Variants in SNX25 observed in about 807,000 individuals in gnomAD.
SNX25 encodes the protein sorting nexin 25, also known as sorting nexin-25.
SNX25 carries 62 observed loss-of-function variants against 113.7 expected under a neutral mutation model. The ratio of observed to expected loss-of-function variants is 0.55; its 90% CI spans 0.44 to 0.67. The LOEUF (loss-of-function observed/expected upper bound fraction) is 0.67, where lower values mean the gene tolerates loss of function less well. Among genes scored for constraint, SNX25 ranks in the 30% least tolerant of loss-of-function variants. The pLI is 0.00. For synonymous variants in SNX25, 421 were observed against 436.2 expected (o/e 0.97, Z 0.43); for missense variants, 1,014 against 1,161.0 (o/e 0.87, Z 1.84).
At chr4:185,228,381 G>A (rs1234666516) in intron 1 of SNX25, among the ~76,000 whole-genome samples, 1 of 152,060 alleles carries the variant, frequency 6.6e-6, no homozygotes, top group Admixed American at 6.6e-5. Flanking sequence ...ACTTTAGTAG[G>A]AGATAAAAAT....
At chr4:185,304,602 C>T (rs1754191038) in intron 6 of SNX25, among the ~76,000 whole-genome samples, 1 of 152,160 alleles carries the variant, frequency 6.6e-6, no homozygotes, top group African/African-American at 2.4e-5. Flanking sequence ...TGTGATCTGC[C>T]TGCCCCAGCC....
At chr4:185,296,521 A>C (rs1158265235) in intron 6 of SNX25, among the ~76,000 whole-genome samples, 1 of 151,754 alleles carries the variant, frequency 6.6e-6, no homozygotes, top group East Asian at 1.9e-4. Flanking sequence ...TTTCTTTTGG[A>C]ATTTTGGTCT....
At chr4:185,374,394 A>G (rs1315296820), downstream of SNX25, 1 of 1,613,992 alleles carries the variant, frequency 6.2e-7, no homozygotes, top group African/African-American at 1.3e-5. Flanking sequence ...AGCAGCTGCA[A>G]ATTTTAAGTG....
At chr4:185,296,660 A>C (rs1579668566) in intron 6 of SNX25, among the ~76,000 whole-genome samples, 1 of 152,312 alleles carries the variant, frequency 6.6e-6, no homozygotes, top group East Asian at 1.9e-4. Flanking sequence ...AGACCAGCTA[A>C]GTCAGGTCTT....
At chr4:185,224,591 A>G (rs1334352761) in intron 1 of SNX25, among the ~76,000 whole-genome samples, 3 of 144,990 alleles carry the variant, frequency 2.1e-5, no homozygotes, top group Non-Finnish European at 4.5e-5. Flanking sequence ...ATATATAAAT[A>G]TATAAATATG....
chr4:185,290,301 A>T (rs1751961514), intron 6 of SNX25, among the ~76,000 whole-genome samples: 1 of 152,164 alleles, frequency 6.6e-6, no homozygotes, highest in Non-Finnish European at 1.5e-5. Context: ...GTGACCCTTG[A>T]TTCTTGAGTG....
At chr4:185,222,330 A>C (rs564026387) in intron 1 of SNX25, among the ~76,000 whole-genome samples, 4 of 147,760 alleles carry the variant, frequency 2.7e-5, no homozygotes, top group Admixed American at 2.7e-4. Flanking sequence ...GGTATACAGC[A>C]CCATATAACC....
intron 16 of SNX25, among the ~76,000 whole-genome samples, chr4:185,358,530 G>C (rs2095348798): frequency 6.6e-6 from 1 of 152,130 alleles, no homozygotes; most frequent in African/African-American, 2.4e-5. Context: ...GAATTATTTA[G>C]ATCGGTTTAG....
At chr4:185,350,143 G>T (rs1054766287) in intron 13 of SNX25, among the ~76,000 whole-genome samples, 2 of 144,426 alleles carry the variant, frequency 1.4e-5, no homozygotes, top group Non-Finnish European at 3.0e-5. Flanking sequence ...ATGGTGTTCC[G>T]TGGACCCCTT....
intron 3 of SNX25, 134 bp from the exon 4 acceptor site, chr4:185,264,304 G>A (rs1747741590): frequency 1.2e-6 from 1 of 850,710 alleles, no homozygotes; most frequent in Non-Finnish European, 1.8e-6. Context: ...TGATGGTTGA[G>A]GAAATTTGAT....
intron 10 of SNX25, among the ~76,000 whole-genome samples, chr4:185,336,071 C>T (rs1408940003): frequency 6.6e-6 from 1 of 152,186 alleles, no homozygotes. Context: ...TAAAAGAGAT[C>T]TGAAGAGATG....
chr4:185,266,401 C>T (rs1312376993), intron 4 of SNX25, among the ~76,000 whole-genome samples: 1 of 152,124 alleles, frequency 6.6e-6, no homozygotes, highest in Non-Finnish European at 1.5e-5. Flanking sequence ...CACTCTGTCG[C>T]CAAGGCTGGA....
At position 185,238,062 on chromosome 4, in the gene SNX25, CAAAAA is replaced by C. The variant is rs10635995; in HGVS notation, c.430-9213_430-9209del. Among the ~76,000 whole-genome samples the C allele has an allele frequency of 2.0e-3, 180 of 87,922 alleles. 3 individuals are homozygous for C. Among genetic ancestry groups the C allele is most frequent in the East Asian group, 2.6e-3 (8 of 3,022 alleles). The allele number at this position is 87,922 out of a possible 152,430, so 57.7% of individuals were successfully genotyped here. On this transcript the variant is annotated intron_variant, in intron 1 of 18. Transcript: ENST00000652585. ...TGGGCTACAGAGCGAGACTCCATCT[CAAAAA>C]AAAAAAAAAAAAAAAAAATTTAGAG...
intron 1 of SNX25, among the ~76,000 whole-genome samples, chr4:185,221,414 A>G (rs1739825533): frequency 6.6e-6 from 1 of 152,050 alleles, no homozygotes; most frequent in Non-Finnish European, 1.5e-5. Flanking sequence ...GACTCAAGCC[A>G]TCCTCCCACC....
At position 185,239,754 on chromosome 4, in the gene SNX25, AT is replaced by A. The variant is rs371310158; in HGVS notation, c.430-7539del. On this transcript the variant is annotated intron_variant, in intron 1 of 18. Coordinates refer to ENST00000652585, the MANE Select transcript of SNX25 (RefSeq NM_001378034.2). ...TGTTTTTCACTTATTTAAATAGAAA[AT>A]AAGGTGTATTTTTTTTTTCTTTTTT... Among the ~76,000 whole-genome samples, 1,328 of 147,086 alleles carry A rather than the reference AT, an allele frequency of 9.0e-3. 23 individuals are homozygous for A. The highest frequency in any genetic ancestry group is 0.031 in the African/African-American group (1,265 of 40,304).
chr4:185,251,598 CGTGTGTGTGTGTGTGTGT>C (rs71593618), intron 2 of SNX25, among the ~76,000 whole-genome samples: 40,881 of 147,226 alleles, frequency 0.28, 6,723 homozygotes, highest in East Asian at 0.56. Flanking sequence ...TATTCCATTG[CGTGTGTGTGTGTGTGTGT>C]GTGTGTGTGT....
intron 6 of SNX25, among the ~76,000 whole-genome samples, chr4:185,305,695 G>A (rs1019729055): frequency 1.3e-5 from 2 of 152,254 alleles, no homozygotes; most frequent in African/African-American, 4.8e-5. Flanking sequence ...TTTACCTAAT[G>A]TCTAATATAA....
intron 1 of SNX25, among the ~76,000 whole-genome samples, chr4:185,246,378 C>T (rs1049576199): frequency 1.3e-5 from 2 of 152,182 alleles, no homozygotes; most frequent in African/African-American, 4.8e-5. Flanking sequence ...TATATGAAAA[C>T]AACCATTTCC....
Position 185,332,649 on chromosome 4 carries a change from A to G in SNX25, c.1804A>G (p.Asn602Asp), listed in dbSNP as rs751543582. Residue 602 changes from asparagine to aspartate, a missense_variant, in exon 10 of 19, where the codon AAT becomes GAT. Coordinates refer to ENST00000652585, the MANE Select transcript of SNX25 (RefSeq NM_001378034.2). ...CGTGGATGATGGTACCAATCAGATC[A>G]ATGAACAAGCCAGTTTTGCTGTAAA... ...EAVDDGTNQI[N>D]EQASFAVNKL... 45 of 1,614,148 alleles carry G rather than the reference A, an allele frequency of 2.8e-5. 1 individual carries two copies. The South Asian group carries it at 4.8e-4, about 17-fold the overall frequency.
Sources: allele counts gnomAD v4.1 joint callset (sites outside exome capture counted in the v4.1 genomes callset), GRCh38; gene constraint gnomAD v4.1.1; transcripts MANE v1.5; gene names NCBI Gene and HGNC (gene_info 2026-07-23, HGNC 2026-07-21).